The following PRKG1 variants were observed in gnomAD, a reference collection of about 807,000 sequenced individuals.
PRKG1 encodes protein kinase cGMP-dependent 1, also known as cGMP-dependent protein kinase 1.
Under a neutral mutation model 88.1 loss-of-function variants are expected in PRKG1, and 35 were observed. The ratio of observed to expected loss-of-function variants is 0.40; its 90% CI spans 0.30 to 0.53. The LOEUF (loss-of-function observed/expected upper bound fraction) is 0.53, where lower values mean the gene tolerates loss of function less well. Among genes scored for constraint, PRKG1 ranks in the 20% least tolerant of loss-of-function variants. PRKG1 has a pLI of 0.59. For missense variants in PRKG1, 540 were observed against 839.8 expected (o/e 0.64, Z 4.41); for synonymous variants, 303 against 292.5 (o/e 1.04, Z -0.37).
intron 3 of PRKG1, among the ~76,000 whole-genome samples, chr10:51,548,701 G>T (rs116144815): frequency 1.3e-5 from 2 of 151,988 alleles, no homozygotes; most frequent in South Asian, 4.1e-4. Flanking sequence ...ATTTATGGAG[G>T]CATTTGAGTT....
At chr10:51,113,431 A>G (rs1845026006) in intron 1 of PRKG1, among the ~76,000 whole-genome samples, 2 of 152,132 alleles carry the variant, frequency 1.3e-5, no homozygotes, top group South Asian at 4.1e-4. Flanking sequence ...AATGAAACCA[A>G]CCAGAGCCAT....
chr10:51,341,006 C>T (rs993411511), intron 2 of PRKG1, among the ~76,000 whole-genome samples: 2 of 152,130 alleles, frequency 1.3e-5, no homozygotes, highest in Non-Finnish European at 2.9e-5. Context: ...TTCAAAATAT[C>T]CATTCATCCA....
At chr10:51,443,519 T>G (rs1839180217) in intron 2 of PRKG1, among the ~76,000 whole-genome samples, 1 of 152,060 alleles carries the variant, frequency 6.6e-6, no homozygotes, top group Non-Finnish European at 1.5e-5. Context: ...GCAGAATGTA[T>G]CAACTCTAAT....
At chr10:51,217,593 T>TAA (rs1434433789) in intron 2 of PRKG1, among the ~76,000 whole-genome samples, 1 of 152,154 alleles carries the variant, frequency 6.6e-6, no homozygotes, top group Non-Finnish European at 1.5e-5. Context: ...TTTACACAAA[T>TAA]AAAGTGCCTC....
intron 2 of PRKG1, among the ~76,000 whole-genome samples, chr10:51,169,508 C>G (rs1846639365): frequency 6.6e-6 from 1 of 152,082 alleles, no homozygotes; most frequent in South Asian, 2.1e-4. Context: ...CTTGGAAAAA[C>G]AACTTTCTTC....
intron 4 of PRKG1, among the ~76,000 whole-genome samples, chr10:51,863,949 AG>A (rs1473400100): frequency 6.6e-6 from 1 of 152,182 alleles, no homozygotes; most frequent in African/African-American, 2.4e-5. Flanking sequence ...GCACACAAGG[AG>A]GAGACTCACT....
At chr10:51,116,595 G>T (rs533700846) in intron 1 of PRKG1, among the ~76,000 whole-genome samples, 2 of 152,162 alleles carry the variant, frequency 1.3e-5, no homozygotes, top group East Asian at 1.9e-4. Flanking sequence ...AACAGTAAAA[G>T]GTGTCTGCAG....
At chr10:51,071,332 T>TA (rs756809537), upstream of PRKG1, among the ~76,000 whole-genome samples, 4 of 152,174 alleles carry the variant, frequency 2.6e-5, no homozygotes, top group Non-Finnish European at 5.9e-5. Flanking sequence ...ATTTTTACTT[T>TA]AAAAATGAAA....
intron 2 of PRKG1, among the ~76,000 whole-genome samples, chr10:51,324,695 C>T (rs149828498): frequency 6.6e-6 from 1 of 152,018 alleles, no homozygotes; most frequent in Non-Finnish European, 1.5e-5. Context: ...GAGCCGAGAT[C>T]GCGCCACTGC....
chr10:51,277,721 T>C (rs908257738), intron 2 of PRKG1, among the ~76,000 whole-genome samples: 2 of 152,210 alleles, frequency 1.3e-5, no homozygotes, highest in Admixed American at 1.3e-4. Flanking sequence ...TTGAAGCAAT[T>C]GTGAATGGGA....
At chr10:51,993,091 C>G (rs11000403) in intron 5 of PRKG1, among the ~76,000 whole-genome samples, 11,368 of 152,166 alleles carry the variant, frequency 0.075, 701 homozygotes, top group East Asian at 0.3. Flanking sequence ...CTTATAATTA[C>G]TGTTATGAGA....
At chr10:51,636,999 G>A (rs1384274141) in intron 3 of PRKG1, among the ~76,000 whole-genome samples, 1 of 152,098 alleles carries the variant, frequency 6.6e-6, no homozygotes, top group Admixed American at 6.5e-5. Context: ...TTAGCAGCTG[G>A]ACATCTTGTG....
intron 9 of PRKG1, among the ~76,000 whole-genome samples, chr10:52,214,744 A>G (rs1318232068): frequency 6.6e-6 from 1 of 152,082 alleles, no homozygotes; most frequent in Non-Finnish European, 1.5e-5. Flanking sequence ...ATGCCCCCCA[A>G]AGGAATTCCA....
chr10:51,876,477 G>T (rs554705800), intron 4 of PRKG1, among the ~76,000 whole-genome samples: 1 of 152,128 alleles, frequency 6.6e-6, no homozygotes, highest in East Asian at 1.9e-4. Context: ...ATTTTCCTAG[G>T]GTAGGTCTTT....
chr10:51,816,158 A>G (rs1028016880), intron 4 of PRKG1, among the ~76,000 whole-genome samples: 1 of 152,220 alleles, frequency 6.6e-6, no homozygotes, highest in South Asian at 2.1e-4. Context: ...CGTGAAAATT[A>G]GCGGTTTCCC....
chr10:52,227,865 A>G lies in PRKG1; in HGVS notation c.1077-23705A>G, dbSNP rs370160034. Among the ~76,000 whole-genome samples the G allele has an allele frequency of 1.8e-4, 27 of 152,264 alleles. No individual in the cohort carries two copies. In the East Asian group the frequency reaches 5.0e-3, roughly 28 times the overall value. The stretch of plus-strand genomic sequence containing the variant: ...TATTATTATTGTCGTTCTCTGGGTA[A>G]TGCGTGAGAAATCATTTTGTAAGCA... On this transcript the variant is annotated intron_variant, in intron 9 of 17. Coordinates refer to ENST00000373980, the MANE Select transcript of PRKG1 (RefSeq NM_006258.4).
chr10:51,059,192 C>T (rs1050384289), intron 1 of PRKG1, among the ~76,000 whole-genome samples: 5 of 151,790 alleles, frequency 3.3e-5, no homozygotes, highest in Non-Finnish European at 7.4e-5. Flanking sequence ...GTGTTCTTGC[C>T]TTATTTCAGT....
In PRKG1 at chr10:51,311,375, A is replaced by G. The variant is rs115472005; in HGVS notation, c.479-156348A>G. Among the ~76,000 whole-genome samples the G allele has an allele frequency of 4.7e-3, 711 of 152,352 alleles. 2 individuals carry two copies. The highest frequency in any genetic ancestry group is 0.016 in the African/African-American group (670 of 41,584). ...AGTTCTTAAAAAATATTTGCTGAAT[A>G]AGGTCACTTCCTCAGTATGCCTGCT... On this transcript the variant is annotated intron_variant, in intron 2 of 17. Coordinates refer to ENST00000373980, the MANE Select transcript of PRKG1 (RefSeq NM_006258.4).
intron 2 of PRKG1, among the ~76,000 whole-genome samples, chr10:51,406,643 G>A (rs1837928011): frequency 6.9e-6 from 1 of 144,962 alleles, no homozygotes; most frequent in African/African-American, 2.5e-5. Context: ...TTTTTTATGA[G>A]ACCCTTCTGT....
Sources: allele counts gnomAD v4.1 joint callset (sites outside exome capture counted in the v4.1 genomes callset), GRCh38; gene constraint gnomAD v4.1.1; transcripts MANE v1.5; gene names NCBI Gene and HGNC (gene_info 2026-07-23, HGNC 2026-07-21).